INPP4B: variants seen among roughly 807,000 people sequenced by gnomAD.
INPP4B encodes the protein inositol polyphosphate-4-phosphatase type II B.
INPP4B carries 55 observed loss-of-function variants against 122.5 expected under a neutral mutation model. The ratio of observed to expected loss-of-function variants is 0.45; its 90% CI spans 0.36 to 0.56. The LOEUF (loss-of-function observed/expected upper bound fraction) is 0.56. Ranked by LOEUF, INPP4B falls within the 20% of genes least tolerant of loss-of-function variation. INPP4B has a pLI of 0.00. For synonymous variants in INPP4B, 403 were observed against 388.7 expected (o/e 1.04, Z -0.43); for missense variants, 1,000 against 1,097.7 (o/e 0.91, Z 1.26).
intron 1 of INPP4B, among the ~76,000 whole-genome samples, chr4:142,824,314 A>ATCTATCTATCTATCTCTCTCTCTATC (rs70949192): frequency 6.6e-6 from 1 of 150,624 alleles, no homozygotes; most frequent in South Asian, 2.1e-4. Context: ...CTGTCTATCT[A>ATCTATCTATCTATCTCTCTCTCTATC]TCTATCTCTA....
At chr4:142,274,149 T>G (rs1036711071) in intron 9 of INPP4B, among the ~76,000 whole-genome samples, 3 of 151,922 alleles carry the variant, frequency 2.0e-5, no homozygotes, top group Non-Finnish European at 4.4e-5. Context: ...AATAGCTTAA[T>G]CATTATTCAT....
At chr4:142,743,941 G>A (rs1015755993) in intron 1 of INPP4B, among the ~76,000 whole-genome samples, 3 of 151,688 alleles carry the variant, frequency 2.0e-5, no homozygotes, top group South Asian at 2.1e-4. Flanking sequence ...GTGACACATA[G>A]TAAAGAATAA....
intron 2 of INPP4B, among the ~76,000 whole-genome samples, chr4:142,690,556 A>C (rs975785763): frequency 6.6e-6 from 1 of 152,082 alleles, no homozygotes; most frequent in Non-Finnish European, 1.5e-5. Flanking sequence ...GTTGGGACTT[A>C]CTGTGCTCTT....
chr4:142,382,251 G>A (rs1794371756), intron 7 of INPP4B, among the ~76,000 whole-genome samples: 1 of 151,964 alleles, frequency 6.6e-6, no homozygotes, highest in Non-Finnish European at 1.5e-5. Flanking sequence ...GTTTACGCCT[G>A]TAATCCCAAT....
At chr4:142,046,354 G>A (rs895134497) in intron 25 of INPP4B, among the ~76,000 whole-genome samples, 2 of 152,056 alleles carry the variant, frequency 1.3e-5, no homozygotes, top group Non-Finnish European at 2.9e-5. Context: ...TGAGTGATGA[G>A]AGCACCAGAA....
chr4:142,097,350 G>T (rs336302), intron 23 of INPP4B, among the ~76,000 whole-genome samples: 1,529 of 151,612 alleles, frequency 0.01, 30 homozygotes, highest in African/African-American at 0.035. Flanking sequence ...CCACTTACTG[G>T]TTCAAGCAAT....
intron 1 of INPP4B, among the ~76,000 whole-genome samples, chr4:142,791,606 T>A (rs1181387294): frequency 1.3e-5 from 2 of 152,144 alleles, no homozygotes; most frequent in Non-Finnish European, 2.9e-5. Context: ...TTCTTCTTGA[T>A]GATTTAGCTT....
At chr4:142,592,591 TGGA>T (rs1226908023) in intron 2 of INPP4B, among the ~76,000 whole-genome samples, 2 of 152,216 alleles carry the variant, frequency 1.3e-5, no homozygotes, top group Non-Finnish European at 2.9e-5. Context: ...TCTATTTCTA[TGGA>T]ATCAGTTCAA....
intron 9 of INPP4B, among the ~76,000 whole-genome samples, chr4:142,272,900 A>T (rs1252601120): frequency 1.3e-5 from 2 of 152,026 alleles, no homozygotes; most frequent in African/African-American, 4.8e-5. Flanking sequence ...TACTTGGGCA[A>T]GCTAAGTTAG....
At chr4:142,180,377 T>C (rs945661804) in intron 15 of INPP4B, among the ~76,000 whole-genome samples, 4 of 152,160 alleles carry the variant, frequency 2.6e-5, no homozygotes, top group African/African-American at 9.6e-5. Context: ...CCATGTTAAA[T>C]CTGACAATAC....
chr4:142,436,141 A>G (rs1278060234), intron 3 of INPP4B, among the ~76,000 whole-genome samples: 1 of 152,130 alleles, frequency 6.6e-6, no homozygotes, highest in Non-Finnish European at 1.5e-5. Context: ...GTGGCAGACT[A>G]CGGCCAGATT....
At position 142,699,994 on chromosome 4, in the gene INPP4B, C is replaced by G. The variant is rs530441730; in HGVS notation, c.-191+25845G>C. Among the ~76,000 whole-genome samples the G allele has an allele frequency of 1.1e-4, 17 of 152,150 alleles. No individual in the cohort carries two copies. In the East Asian group the frequency reaches 3.3e-3, roughly 29 times the overall value. On this transcript the variant is annotated intron_variant, in intron 2 of 25. Transcript: ENST00000262992. ...GCATACAAACAATCTATTACTTCTC[C>G]CATCTTAAAAGAACAAAACAAAAAA...
intron 9 of INPP4B, among the ~76,000 whole-genome samples, chr4:142,295,262 G>A (rs1190387459): frequency 3.9e-5 from 6 of 152,076 alleles, no homozygotes; most frequent in Admixed American, 1.3e-4. Flanking sequence ...TCCACTTTTC[G>A]CCATACTTCT....
intron 9 of INPP4B, among the ~76,000 whole-genome samples, chr4:142,294,126 G>A (rs912805978): frequency 1.3e-5 from 2 of 152,068 alleles, no homozygotes; most frequent in Admixed American, 6.6e-5. Flanking sequence ...TACATTAAAA[G>A]CCCAGACTTC....
chr4:142,175,522 C>G (rs1435050244), intron 15 of INPP4B, among the ~76,000 whole-genome samples: 1 of 151,958 alleles, frequency 6.6e-6, no homozygotes, highest in Non-Finnish European at 1.5e-5. Flanking sequence ...AAACGCATTA[C>G]TAGTTTACTT....
intron 2 of INPP4B, among the ~76,000 whole-genome samples, chr4:142,613,976 CTATACT>C (rs1743127999): frequency 6.6e-6 from 1 of 152,206 alleles, no homozygotes; most frequent in Admixed American, 6.5e-5. Flanking sequence ...TAATACAAAC[CTATACT>C]TAAACACAGT....
intron 14 of INPP4B, among the ~76,000 whole-genome samples, chr4:142,207,658 T>G (rs1282789466): frequency 1.3e-5 from 2 of 152,228 alleles, no homozygotes; most frequent in East Asian, 3.9e-4. Flanking sequence ...AGCGAGGGTA[T>G]CATTAATGGG....
intron 11 of INPP4B, among the ~76,000 whole-genome samples, chr4:142,254,687 A>G (rs2150270361): frequency 6.6e-6 from 1 of 152,312 alleles, no homozygotes; most frequent in Non-Finnish European, 1.5e-5. Context: ...AAAGCCTCCA[A>G]GAAATATGGG....
intron 11 of INPP4B, among the ~76,000 whole-genome samples, chr4:142,242,734 C>A (rs1281863061): frequency 1.3e-5 from 2 of 152,156 alleles, no homozygotes; most frequent in South Asian, 4.1e-4. Flanking sequence ...CTCCAGGAAG[C>A]CTTCTTCAGT....
Sources: allele counts gnomAD v4.1 joint callset (sites outside exome capture counted in the v4.1 genomes callset), GRCh38; gene constraint gnomAD v4.1.1; transcripts MANE v1.5; gene names NCBI Gene and HGNC (gene_info 2026-07-23, HGNC 2026-07-21).